Variants in CNTNAP2 observed in about 807,000 individuals in gnomAD.
The protein encoded by CNTNAP2 is contactin-associated protein-like 2.
A neutral mutation model predicts 155.2 loss-of-function variants in CNTNAP2; 98 were observed. The observed-to-expected ratio is 0.63, with a 90% CI of 0.54 to 0.75. The LOEUF (loss-of-function observed/expected upper bound fraction) is 0.75. CNTNAP2 is among the 30% of genes least tolerant of loss of function. CNTNAP2 has a pLI of 0.00. For missense variants in CNTNAP2, 1,727 were observed against 1,688.1 expected (o/e 1.02, Z -0.40); for synonymous variants, 651 against 631.2 (o/e 1.03, Z -0.47).
chr7:147,658,673 G>A (rs964059935), intron 13 of CNTNAP2, among the ~76,000 whole-genome samples: 4 of 152,216 alleles, frequency 2.6e-5, no homozygotes, highest in Non-Finnish European at 5.9e-5. Flanking sequence ...TGGAACAAGA[G>A]GAGTAAATGA....
At chr7:147,593,545 C>T (rs1458064017) in intron 12 of CNTNAP2, among the ~76,000 whole-genome samples, 1 of 151,756 alleles carries the variant, frequency 6.6e-6, no homozygotes, top group Admixed American at 6.6e-5. Flanking sequence ...ATTATTTAGG[C>T]CTTTAAAAAC....
intron 3 of CNTNAP2, among the ~76,000 whole-genome samples, chr7:146,944,458 TATG>T (rs1427707197): frequency 5.3e-5 from 8 of 152,142 alleles, no homozygotes; most frequent in Admixed American, 5.2e-4. Context: ...TAGTTATAAA[TATG>T]ATAATAAATT....
At chr7:146,671,552 G>T (rs1411052422) in intron 1 of CNTNAP2, among the ~76,000 whole-genome samples, 1 of 152,010 alleles carries the variant, frequency 6.6e-6, no homozygotes, top group African/African-American at 2.4e-5. Context: ...GTTACGCAGA[G>T]AATGATTTCT....
At chr7:148,405,924 G>A (rs376955888) in intron 22 of CNTNAP2, among the ~76,000 whole-genome samples, 1 of 151,808 alleles carries the variant, frequency 6.6e-6, no homozygotes, top group African/African-American at 2.4e-5. Flanking sequence ...AATATATTTC[G>A]AAGGTACATA....
chr7:146,556,311 C>T (rs998182709), intron 1 of CNTNAP2, among the ~76,000 whole-genome samples: 2 of 152,120 alleles, frequency 1.3e-5, no homozygotes, highest in African/African-American at 4.8e-5. Flanking sequence ...CAGACATGGT[C>T]TTGGCTTCTG....
chr7:146,293,456 G>T (rs1178667953), intron 1 of CNTNAP2, among the ~76,000 whole-genome samples: 2 of 152,156 alleles, frequency 1.3e-5, no homozygotes, highest in Non-Finnish European at 2.9e-5. Flanking sequence ...GAGCTGGCTA[G>T]CAACATGAAA....
chr7:146,314,616 G>A (rs529594355), intron 1 of CNTNAP2, among the ~76,000 whole-genome samples: 14 of 152,138 alleles, frequency 9.2e-5, no homozygotes, highest in Non-Finnish European at 1.6e-4. Context: ...GGAGATTCAG[G>A]AGCGTGGAGT....
chr7:147,307,599 A>G (rs1795055552), intron 9 of CNTNAP2, among the ~76,000 whole-genome samples: 2 of 152,110 alleles, frequency 1.3e-5, no homozygotes, highest in Admixed American at 1.3e-4. Flanking sequence ...TGCCCCCCCA[A>G]AAAAGGAAAT....
At chr7:147,495,377 C>T (rs1455292998) in intron 11 of CNTNAP2, among the ~76,000 whole-genome samples, 2 of 152,098 alleles carry the variant, frequency 1.3e-5, no homozygotes, top group Non-Finnish European at 2.9e-5. Flanking sequence ...TTGAACCAGA[C>T]CACAGTGGAA....
At chr7:146,684,638 G>GAAAAAA (rs1800562705) in intron 1 of CNTNAP2, among the ~76,000 whole-genome samples, 1 of 4,390 alleles carries the variant, frequency 2.3e-4, no homozygotes, top group Admixed American at 8.2e-4. Context: ...TAGATCCAGC[G>GAAAAAA]CAAAAAAAAA....
At chr7:146,931,513 C>A (rs1054835015) in intron 3 of CNTNAP2, among the ~76,000 whole-genome samples, 3 of 150,454 alleles carry the variant, frequency 2.0e-5, no homozygotes, top group Non-Finnish European at 4.4e-5. Flanking sequence ...ACCCTAACAT[C>A]ACAGTTAAAA....
At chr7:147,996,247 C>G (rs1438785485) in intron 15 of CNTNAP2, among the ~76,000 whole-genome samples, 1 of 152,184 alleles carries the variant, frequency 6.6e-6, no homozygotes, top group African/African-American at 2.4e-5. Context: ...TATGTACTGG[C>G]AAACCATATC....
chr7:146,285,005 A>G (rs1800304446), intron 1 of CNTNAP2, among the ~76,000 whole-genome samples: 1 of 152,166 alleles, frequency 6.6e-6, no homozygotes, highest in Non-Finnish European at 1.5e-5. Context: ...ATTTTTCTCT[A>G]ATATACAGAT....
chr7:146,399,804 C>T (rs1455739401), intron 1 of CNTNAP2, among the ~76,000 whole-genome samples: 2 of 152,162 alleles, frequency 1.3e-5, no homozygotes, highest in Non-Finnish European at 1.5e-5. Context: ...GGGCTCCCCA[C>T]CGCCCTTGCC....
intron 18 of CNTNAP2, among the ~76,000 whole-genome samples, chr7:148,207,306 G>A (rs1176452242): frequency 6.6e-6 from 1 of 152,166 alleles, no homozygotes; most frequent in African/African-American, 2.4e-5. Context: ...GGCAGGAGAG[G>A]GAAATGGGAA....
intron 8 of CNTNAP2, among the ~76,000 whole-genome samples, chr7:147,188,237 T>A (rs1802607629): frequency 6.6e-6 from 1 of 152,170 alleles, no homozygotes; most frequent in South Asian, 2.1e-4. Context: ...CAACATGGGT[T>A]TGCAGATGTG....
intron 3 of CNTNAP2, among the ~76,000 whole-genome samples, chr7:146,853,204 A>G (rs866527400): frequency 2.6e-5 from 4 of 152,236 alleles, no homozygotes; most frequent in African/African-American, 9.6e-5. Context: ...ATGATTACAT[A>G]TCTTTAATAT....
chr7:148,086,272 C>T (rs1001795318), intron 15 of CNTNAP2, among the ~76,000 whole-genome samples: 11 of 152,094 alleles, frequency 7.2e-5, no homozygotes, highest in Non-Finnish European at 1.6e-4. Context: ...CTTTAATGCC[C>T]ATTTTTTAGT....
At chr7:147,436,898 G>A (rs1416928020) in intron 10 of CNTNAP2, among the ~76,000 whole-genome samples, 1 of 152,002 alleles carries the variant, frequency 6.6e-6, no homozygotes, top group East Asian at 1.9e-4. Context: ...AACATTCCAG[G>A]GTTTTAAAAC....
Sources: gnomAD v4.1 joint callset for allele counts (sites outside exome capture counted in the v4.1 genomes callset) on GRCh38, gnomAD v4.1.1 for gene constraint, MANE v1.5 for transcripts, NCBI Gene and HGNC (gene_info 2026-07-23, HGNC 2026-07-21) for gene names.